Variants in EPS15 observed in about 807,000 individuals in gnomAD.
The protein encoded by EPS15 is epidermal growth factor receptor pathway substrate 15.
In EPS15, 72 loss-of-function variants were observed where a neutral mutation model predicts 113.8. The observed-to-expected ratio is 0.63, with a 90% CI of 0.52 to 0.77. The LOEUF (loss-of-function observed/expected upper bound fraction) is 0.77, where lower values mean the gene tolerates loss of function less well. EPS15 is among the 30% of genes least tolerant of loss of function. EPS15 has a pLI of 0.00. For missense variants in EPS15, 1,048 were observed against 1,045.8 expected (o/e 1.00, Z -0.03); for synonymous variants, 344 against 363.4 (o/e 0.95, Z 0.61).
intron 1 of EPS15, among the ~76,000 whole-genome samples, chr1:51,490,722 G>A (rs1051627363): frequency 6.6e-6 from 1 of 152,110 alleles, no homozygotes; most frequent in Non-Finnish European, 1.5e-5. Flanking sequence ...TATGATTATA[G>A]AGGGTAACAC....
intron 2 of EPS15, among the ~76,000 whole-genome samples, chr1:51,478,945 T>C (rs142948736): frequency 6.6e-6 from 1 of 152,308 alleles, no homozygotes; most frequent in African/African-American, 2.4e-5. Flanking sequence ...TTGGAGTTGC[T>C]CTTCTCGAGG....
At chr1:51,366,856 T>A (rs1646518713) in intron 21 of EPS15, among the ~76,000 whole-genome samples, 1 of 152,204 alleles carries the variant, frequency 6.6e-6, no homozygotes, top group South Asian at 2.1e-4. Context: ...TTCTAGTTTG[T>A]ACCATGGTTA....
intron 5 of EPS15, among the ~76,000 whole-genome samples, chr1:51,467,271 T>C (rs1293047192): frequency 2.0e-5 from 3 of 152,194 alleles, no homozygotes; most frequent in African/African-American, 4.8e-5. Context: ...GTTGACAAAA[T>C]ACATAGAAAT....
intron 24 of EPS15, among the ~76,000 whole-genome samples, chr1:51,360,817 G>A (rs1320259429): frequency 2.0e-5 from 3 of 152,030 alleles, no homozygotes; most frequent in African/African-American, 7.3e-5. Flanking sequence ...TATTCATCTA[G>A]TGGGCAGAGA....
intron 24 of EPS15, among the ~76,000 whole-genome samples, chr1:51,357,571 T>C (rs1332336208): frequency 6.7e-6 from 1 of 148,752 alleles, no homozygotes; most frequent in Non-Finnish European, 1.5e-5. Context: ...ACTTCAACTT[T>C]ACTGAGACCC....
At chr1:51,444,288 A>T (rs945904364) in intron 11 of EPS15, among the ~76,000 whole-genome samples, 3 of 152,244 alleles carry the variant, frequency 2.0e-5, no homozygotes, top group Non-Finnish European at 4.4e-5. Context: ...AGGCATGACT[A>T]AAACAATGAA....
intron 17 of EPS15, 95 bp downstream of exon 17, chr1:51,403,324 G>A (rs2148420582): frequency 5.3e-6 from 3 of 570,992 alleles, no homozygotes; most frequent in Non-Finnish European, 9.2e-6. Context: ...TCTGAATAAT[G>A]TATATTGTAC....
chr1:51,415,595 G>C (rs944278920), intron 13 of EPS15, among the ~76,000 whole-genome samples: 1 of 151,586 alleles, frequency 6.6e-6, no homozygotes, highest in South Asian at 2.1e-4. Context: ...TCAGAAGTTC[G>C]AGACCAGCCT....
At position 51,403,469 on chromosome 1, in the gene EPS15, C is replaced by T. The variant is rs1424451288; in HGVS notation, c.1741G>A (p.Val581Ile). The T allele has an allele frequency of 6.2e-7, 1 of 1,610,928 alleles. No homozygotes were observed. The highest frequency in any genetic ancestry group is 8.5e-7 in the Non-Finnish European group (1 of 1,178,596). The change falls in exon 17 of 25, where the codon GTT becomes ATT. Residue 581 changes from valine to isoleucine, a missense_variant. By Grantham distance (29) the Val-to-Ile change is conservative. Transcript: ENST00000371733. ...VTDENEVTTA[V>I]TEKVCSELDN... ...AGTTCAGAACAAACTTTTTCAGTAA[C>T]AGCTGTAGTCACCTCATTTTCATCA...
intron 3 of EPS15, among the ~76,000 whole-genome samples, chr1:51,472,118 A>G (rs72679107): frequency 0.021 from 3,235 of 152,116 alleles, 53 homozygotes; most frequent in Non-Finnish European, 0.031. Context: ...AAGATTGGGC[A>G]CCCCTGATTT....
chr1:51,416,305 T>C (rs1218991115), intron 13 of EPS15, among the ~76,000 whole-genome samples: 1 of 152,184 alleles, frequency 6.6e-6, no homozygotes, highest in Non-Finnish European at 1.5e-5. Flanking sequence ...CTTTCCTAGT[T>C]CTGCTTTATT....
intron 11 of EPS15, among the ~76,000 whole-genome samples, 187 bp downstream of exon 11, chr1:51,444,702 T>C (rs1652864457): frequency 6.6e-6 from 1 of 152,214 alleles, no homozygotes; most frequent in Non-Finnish European, 1.5e-5. Flanking sequence ...AACAAGCTAC[T>C]GGCCAAGGAT....
At chr1:51,507,662 GA>G (rs34305972) in intron 1 of EPS15, among the ~76,000 whole-genome samples, 36 of 125,588 alleles carry the variant, frequency 2.9e-4, no homozygotes, top group South Asian at 2.5e-4. Flanking sequence ...CTCCATCTCA[GA>G]AAAAAAAAAA....
In EPS15 at chr1:51,445,024, G is replaced by A; in HGVS notation, c.819C>T (p.Asp273=). ...AHIWSLCDTK[D]CGKLSKDQFA... is the part of the protein sequence containing the mutation. ...ACTGATCCTTTGAAAGCTTCCCACA[G>A]TCCTTTGTGTCGCATAATGACCTGC... is the stretch of plus-strand genomic sequence containing the variant. Residue 273 remains aspartate, a synonymous_variant, in exon 11 of 25, where the codon GAC becomes GAT. Transcript: ENST00000371733. The A allele has an allele frequency of 1.2e-6, 2 of 1,613,750 alleles. No individual in the cohort carries two copies. Among genetic ancestry groups the A allele is most frequent in the Non-Finnish European group, 1.7e-6 (2 of 1,179,802 alleles).
At chr1:51,363,452 A>G (rs1427390361) in intron 23 of EPS15, among the ~76,000 whole-genome samples, 1 of 152,206 alleles carries the variant, frequency 6.6e-6, no homozygotes, top group African/African-American at 2.4e-5. Flanking sequence ...GGAAGACTTT[A>G]TACTTTACAG....
chr1:51,394,440 G>A lies in EPS15; in HGVS notation c.2060C>T (p.Thr687Met), dbSNP rs145211070. The A allele has an allele frequency of 7.9e-4, 1,262 of 1,599,366 alleles. 1 individual carries two copies. Among genetic ancestry groups the A allele is most frequent in the Non-Finnish European group, 8.6e-4 (1,011 of 1,170,334 alleles). ...AGCAAAAGGATCATTGTGCTTCAAC[G>A]TTTCTACCTAAACAAAGCATACAAA... The part of the protein sequence containing the change: ...ANNSSITSVE[T>M]LKHNDPFAPG... The change falls in exon 21 of 25, where the codon ACG becomes ATG. Residue 687 changes from threonine to methionine, a missense_variant. By Grantham distance (81) the Thr-to-Met change is moderately conservative. Transcript: ENST00000371733.
chr1:51,465,731 C>G (rs2148505047), intron 5 of EPS15, among the ~76,000 whole-genome samples: 1 of 152,112 alleles, frequency 6.6e-6, no homozygotes, highest in Admixed American at 6.5e-5. Context: ...TGGGATTTCA[C>G]CATGTTAAGC....
intron 11 of EPS15, among the ~76,000 whole-genome samples, chr1:51,443,378 T>C (rs1022315713): frequency 6.6e-6 from 1 of 151,978 alleles, no homozygotes; most frequent in Non-Finnish European, 1.5e-5. Context: ...GGTACAGTTA[T>C]ATAGCAAAGA....
chr1:51,374,132 G>A (rs1353318294), intron 21 of EPS15, among the ~76,000 whole-genome samples: 1 of 152,174 alleles, frequency 6.6e-6, no homozygotes, highest in Non-Finnish European at 1.5e-5. Flanking sequence ...TCCTGCTGGA[G>A]TCAAAGATGC....
Sources: gnomAD v4.1 joint callset for allele counts (sites outside exome capture counted in the v4.1 genomes callset) on GRCh38, gnomAD v4.1.1 for gene constraint, MANE v1.5 for transcripts, NCBI Gene and HGNC (gene_info 2026-07-23, HGNC 2026-07-21) for gene names.